The following CACNA1B variants were observed in gnomAD, a reference collection of about 807,000 sequenced individuals.
CACNA1B encodes the protein calcium voltage-gated channel subunit alpha1 B, also known as voltage-dependent N-type calcium channel subunit alpha-1B.
Under a neutral mutation model 247.2 loss-of-function variants are expected in CACNA1B, and 70 were observed. The observed-to-expected ratio is 0.28, with a 90% CI of 0.23 to 0.35. The LOEUF (loss-of-function observed/expected upper bound fraction) is 0.35, where lower values mean the gene tolerates loss of function less well. CACNA1B is among the 10% of genes least tolerant of loss of function. The pLI is 1.00. For synonymous variants in CACNA1B, 1,231 were observed against 1,294.4 expected (o/e 0.95, Z 1.05); for missense variants, 2,367 against 3,197.4 (o/e 0.74, Z 6.26).
chr9:138,079,699 C>T (rs559409185), intron 36 of CACNA1B, among the ~76,000 whole-genome samples: 6 of 145,178 alleles, frequency 4.1e-5, no homozygotes, highest in African/African-American at 5.2e-5. Context: ...GCCGAGATCG[C>T]GCCATTGTAC....
At chr9:138,061,865 C>G (rs569903803) in intron 31 of CACNA1B, among the ~76,000 whole-genome samples, 2 of 152,352 alleles carry the variant, frequency 1.3e-5, no homozygotes, top group Admixed American at 6.5e-5. Flanking sequence ...GTGTTGCTGT[C>G]TGTTCATTCC....
chr9:138,110,979 A>T (rs533532322), intron 39 of CACNA1B, among the ~76,000 whole-genome samples: 278 of 96,452 alleles, frequency 2.9e-3, no homozygotes, highest in Middle Eastern at 7.6e-3. Context: ...TCCAGAATTT[A>T]AAAAAAAAAA....
intron 39 of CACNA1B, among the ~76,000 whole-genome samples, chr9:138,110,564 A>G (rs1021267032): frequency 6.6e-6 from 1 of 152,176 alleles, no homozygotes. Context: ...CTGTCTCTAC[A>G]AAAAATAATT....
chr9:137,912,186 C>G (rs770877479), intron 3 of CACNA1B, among the ~76,000 whole-genome samples: 6 of 152,192 alleles, frequency 3.9e-5, no homozygotes, highest in Non-Finnish European at 8.8e-5. Flanking sequence ...TAAAGATACA[C>G]ACTTGGGAAT....
At chr9:137,896,800 G>A (rs1198156467) in intron 3 of CACNA1B, among the ~76,000 whole-genome samples, 1 of 134,516 alleles carries the variant, frequency 7.4e-6, no homozygotes, top group Admixed American at 6.8e-5. Context: ...CTTTCCTTAC[G>A]AGTTATGTGG....
intron 20 of CACNA1B, among the ~76,000 whole-genome samples, chr9:138,037,746 A>G (rs961650767): frequency 1.3e-5 from 2 of 152,078 alleles, no homozygotes; most frequent in African/African-American, 2.4e-5. Flanking sequence ...ACTTCCTGCC[A>G]TATGGTATCA....
Position 138,122,379 on chromosome 9 carries a change from C to A in CACNA1B, c.*380C>A, listed in dbSNP as rs199893681. On this transcript the variant is annotated 3_prime_UTR_variant, in exon 47 of 47. Transcript: ENST00000371372. ...TGCGTCCTGTGGGGAGCACCCTTCA[C>A]GTGGCCGTGCGGCACAGAGAAGCAG... The A allele has an allele frequency of 1.0e-4, 24 of 233,738 alleles. No individual in the cohort carries two copies. The highest frequency in any genetic ancestry group is 4.9e-4 in the African/African-American group (22 of 44,666). The allele number at this position is 233,738 out of a possible 1,614,324, so 14.5% of individuals were successfully genotyped here.
chr9:138,113,455 C>G (rs755499345), intron 40 of CACNA1B, among the ~76,000 whole-genome samples: 5 of 150,768 alleles, frequency 3.3e-5, no homozygotes, highest in Admixed American at 6.6e-5. Context: ...TTGTGGGAGA[C>G]GTGAGGGAGC....
intron 12 of CACNA1B, among the ~76,000 whole-genome samples, chr9:137,980,260 C>A (rs781304246): frequency 6.6e-6 from 1 of 152,064 alleles, no homozygotes; most frequent in South Asian, 2.1e-4. Context: ...AAGCTCTACC[C>A]ACACCTATTA....
chr9:138,006,668 G>A (rs538969071), intron 15 of CACNA1B, 99 bp from the exon 16 acceptor site: 26 of 702,048 alleles, frequency 3.7e-5, no homozygotes, highest in Middle Eastern at 5.5e-4. Flanking sequence ...GGCAGTGCGC[G>A]TGGACGTGGC....
At position 138,122,125 on chromosome 9, in the gene CACNA1B, C is replaced by T; in HGVS notation, c.*126C>T. ...GCCCACCTTGGTGAGGCTCCTGTGG[C>T]CCCTCCCTCCCCCTCCTCCCCTCTT... is the stretch of plus-strand genomic sequence containing the variant. On this transcript the variant is annotated 3_prime_UTR_variant, in exon 47 of 47. Coordinates refer to ENST00000371372, the MANE Select transcript of CACNA1B (RefSeq NM_000718.4). 2.8e-6 allele frequency: 2 copies of T among 726,382 alleles called. No homozygotes were observed. The allele number at this position is 726,382 out of a possible 1,614,324, so 45.0% of individuals were successfully genotyped here.
intron 31 of CACNA1B, among the ~76,000 whole-genome samples, chr9:138,062,311 G>A (rs926668437): frequency 6.6e-6 from 1 of 152,182 alleles, no homozygotes; most frequent in African/African-American, 2.4e-5. Context: ...AGTATACCAA[G>A]CAACCCATCC....
intron 3 of CACNA1B, among the ~76,000 whole-genome samples, chr9:137,901,324 C>T (rs1416320705): frequency 1.4e-5 from 2 of 146,802 alleles, no homozygotes; most frequent in Admixed American, 6.8e-5. Context: ...ATGTCTGTGC[C>T]GTGTGTCTCT....
Position 137,974,613 on chromosome 9 carries a change from C to G in CACNA1B, c.1544-1294C>G. On this transcript the variant is annotated intron_variant, in intron 11 of 46. Coordinates refer to ENST00000371372, the MANE Select transcript of CACNA1B (RefSeq NM_000718.4). This position sits in a 1 kb window ranked among gnomAD's most constrained non-coding sequence, Gnocchi z 4.5. The stretch of plus-strand genomic sequence containing the variant: ...CTGTCTGGACCTGTGCAGCACAGCC[C>G]TTGGTGGAGGAGATTTTAGGAGCAT... 6.6e-6 allele frequency among the ~76,000 whole-genome samples: 1 copy of G among 152,208 alleles called. No homozygotes were observed. The highest frequency in any genetic ancestry group is 1.9e-4 in the East Asian group (1 of 5,198).
chr9:138,058,457 CT>C lies in CACNA1B; in HGVS notation c.4309-110del, dbSNP rs569614031. ...GAAGGTCTGGGCTGCTTCAATTTGT[CT>C]TCTGTTGTCAGGGCTCCCTGTGAGG... On this transcript the variant is annotated intron_variant, in intron 28 of 46. Coordinates refer to ENST00000371372, the MANE Select transcript of CACNA1B (RefSeq NM_000718.4). The surrounding 1 kb of genome is among the most constrained non-coding windows in gnomAD (Gnocchi z 4.7). 39 of 1,060,882 alleles carry C rather than the reference CT, an allele frequency of 3.7e-5. No individual in the cohort carries two copies. In the Admixed American group the frequency reaches 3.9e-4, roughly 11 times the overall value. 65.7% of individuals were successfully genotyped at this position (1,060,882 alleles called of 1,614,324 possible).
At chr9:137,907,911 CCAA>C (rs1957315612) in intron 3 of CACNA1B, among the ~76,000 whole-genome samples, 1 of 152,142 alleles carries the variant, frequency 6.6e-6, no homozygotes, top group African/African-American at 2.4e-5. Context: ...ACCTGGTTTT[CCAA>C]CATCATTTGG....
At chr9:137,930,618 T>A (rs1008340573) in intron 6 of CACNA1B, among the ~76,000 whole-genome samples, 2 of 152,236 alleles carry the variant, frequency 1.3e-5, no homozygotes, top group African/African-American at 4.8e-5. Flanking sequence ...GTTGATGGTG[T>A]TGTTGAGCTC....
chr9:138,094,457 A>AAAAAAAAAAGAAG lies in CACNA1B; in HGVS notation c.5095-2025_5095-2024insAAAAAAAGAAGAA, dbSNP rs752912258. Among the ~76,000 whole-genome samples, 28 of 134,858 alleles carry AAAAAAAAAAGAAG rather than the reference A, an allele frequency of 2.1e-4. No homozygotes were observed. In the East Asian group the frequency reaches 4.4e-3, roughly 21 times the overall value. The allele number at this position is 134,858 out of a possible 152,430, so 88.5% of individuals were successfully genotyped here. On this transcript the variant is annotated intron_variant, in intron 36 of 46. Coordinates refer to ENST00000371372, the MANE Select transcript of CACNA1B (RefSeq NM_000718.4). ...TTTACTACAGTAAAAAAAAAAAAAA[A>AAAAAAAAAAGAAG]AAGAAGAAGAAGAAGAAAGTGAACA...
chr9:137,913,773 A>G lies in CACNA1B; in HGVS notation c.622+502A>G, dbSNP rs1424898509. On this transcript the variant is annotated intron_variant, in intron 4 of 46. Transcript: ENST00000371372. This position sits in a 1 kb window ranked among gnomAD's most constrained non-coding sequence, Gnocchi z 5.2. ...GATGGCCAGGGTGACCTCATGAGCCAGTGACCACCTGGACCCCTATTCCTT... is the reference window on the plus strand; with the variant it reads ...GATGGCCAGGGTGACCTCATGAGCCGGTGACCACCTGGACCCCTATTCCTT... Among the ~76,000 whole-genome samples, 3 of 152,202 alleles carry G rather than the reference A, an allele frequency of 2.0e-5. No individual in the cohort carries two copies. Among genetic ancestry groups the G allele is most frequent in the African/African-American group, 7.2e-5 (3 of 41,460 alleles).
Sources: allele counts gnomAD v4.1 joint callset (sites outside exome capture counted in the v4.1 genomes callset), GRCh38; gene constraint gnomAD v4.1.1; non-coding constraint Gnocchi (gnomAD v3.1); transcripts MANE v1.5; gene names NCBI Gene and HGNC (gene_info 2026-07-23, HGNC 2026-07-21).